Variants in STUM observed in about 807,000 individuals in gnomAD.
STUM encodes the protein protein stum homolog.
In STUM, 8 loss-of-function variants were observed where a neutral mutation model predicts 15.3. That is an observed-to-expected ratio of 0.52 (90% CI 0.31 to 0.94). The LOEUF (loss-of-function observed/expected upper bound fraction) is 0.94, where lower values mean the gene tolerates loss of function less well. STUM is among the 40% of genes least tolerant of loss of function. The pLI, the probability that STUM is intolerant of heterozygous loss-of-function variation, is 0.05. For missense variants in STUM, 142 were observed against 204.9 expected, an observed-to-expected ratio of 0.69 and a Z score of 1.87; for synonymous variants, 78 against 88.7, an observed-to-expected ratio of 0.88 and a Z score of 0.68.
chr1:226,592,023 G>T (rs144386964), intron 1 of STUM, among the ~76,000 whole-genome samples: 1 of 151,948 alleles, frequency 6.6e-6, no homozygotes, highest in African/African-American at 2.4e-5. Context: ...AAGCATGAAG[G>T]TTCTTTCCTT....
At chr1:226,595,662 G>A (rs1480724109) in intron 1 of STUM, among the ~76,000 whole-genome samples, 1 of 152,228 alleles carries the variant, frequency 6.6e-6, no homozygotes, top group Non-Finnish European at 1.5e-5. Context: ...AGTGGGTCCT[G>A]AATGCTATCA....
At chr1:226,595,120 A>C (rs1668158565) in intron 1 of STUM, among the ~76,000 whole-genome samples, 1 of 152,238 alleles carries the variant, frequency 6.6e-6, no homozygotes, top group South Asian at 2.1e-4. Flanking sequence ...GGAAGCTGAC[A>C]GTGCAGCCCC....
intron 1 of STUM, among the ~76,000 whole-genome samples, chr1:226,594,114 A>T (rs1668133932): frequency 6.6e-6 from 1 of 152,212 alleles, no homozygotes; most frequent in African/African-American, 2.4e-5. Flanking sequence ...AGGCAGGGTC[A>T]GTTTCAGAAA....
At chr1:226,570,389 A>G (rs1667688375) in intron 1 of STUM, among the ~76,000 whole-genome samples, 1 of 152,228 alleles carries the variant, frequency 6.6e-6, no homozygotes. Context: ...GTGTCAGAGC[A>G]ACCAATGATG....
At chr1:226,583,238 T>A (rs989714197) in intron 1 of STUM, among the ~76,000 whole-genome samples, 9 of 152,206 alleles carry the variant, frequency 5.9e-5, no homozygotes, top group Non-Finnish European at 1.5e-5. Flanking sequence ...AGCAGCAAAG[T>A]CACATTGCAA....
At chr1:226,557,418 T>C (rs1360790436) in intron 1 of STUM, among the ~76,000 whole-genome samples, 4 of 152,250 alleles carry the variant, frequency 2.6e-5, no homozygotes, top group Admixed American at 6.5e-5. Flanking sequence ...AACTTAACTA[T>C]TGTGAATAGT....
rs917348557 is a variant in STUM, at chr1:226,608,860, G to C, written c.*6820G>C. ...CTTTCCCCAACACCCTCAGGACCCA[G>C]CCCCAGCCCCGGCAGACCTTCCCTG... On this transcript the variant is annotated 3_prime_UTR_variant, in exon 4 of 4. Transcript: ENST00000366788. The surrounding 1 kb of genome is among the most constrained non-coding windows in gnomAD (Gnocchi z 4.0). The C allele has an allele frequency of 6.6e-6, 1 of 152,310 alleles. No individual in the cohort carries two copies. The highest frequency in any genetic ancestry group is 1.5e-5 in the Non-Finnish European group (1 of 68,136). 9.4% of individuals were successfully genotyped at this position (152,310 alleles called of 1,614,324 possible). A position where few individuals can be genotyped will look rare whatever the true frequency, so the allele number is the denominator to read the frequency against.
chr1:226,600,578 G>T lies in STUM; in HGVS notation c.383-88G>T. 1.3e-6 allele frequency: 2 copies of T among 1,508,946 alleles called. No homozygotes were observed. The highest frequency in any genetic ancestry group is 1.8e-6 in the Non-Finnish European group (2 of 1,093,646). 93.5% of individuals were successfully genotyped at this position (1,508,946 alleles called of 1,614,324 possible). On this transcript the variant is annotated intron_variant, in intron 2 of 3. Transcript: ENST00000366788. The surrounding 1 kb of genome is among the most constrained non-coding windows in gnomAD (Gnocchi z 5.2). ...ATCTGCTTTGTTTCCTGTGCCAAGC[G>T]TTCCCTGTGGCTCTGTTTTCAGGCT...
chr1:226,596,274 A>ACTACTC (rs1668177597), intron 1 of STUM, among the ~76,000 whole-genome samples: 1 of 151,630 alleles, frequency 6.6e-6, no homozygotes, highest in Non-Finnish European at 1.5e-5. Context: ...TACTACTACT[A>ACTACTC]CACTGTAGGC....
At position 226,608,330 on chromosome 1, in the gene STUM, G is replaced by GT. The variant is rs1281973917; in HGVS notation, c.*6291dup. On this transcript the variant is annotated 3_prime_UTR_variant, in exon 4 of 4. Coordinates refer to ENST00000366788, the MANE Select transcript of STUM (RefSeq NM_001003665.4). This position sits in a 1 kb window ranked among gnomAD's most constrained non-coding sequence, Gnocchi z 4.0. ...AGCAAGGGACAAGGTGATGGTGGCT[G>GT]TAATAGGCTCCTCGTGGGCACCGTC... is the stretch of plus-strand genomic sequence containing the variant. 3 of 152,348 alleles carry GT rather than the reference G, an allele frequency of 2.0e-5. No individual in the cohort carries two copies. In the East Asian group the frequency reaches 5.8e-4, roughly 29 times the overall value. The allele number at this position is 152,348 out of a possible 1,614,324, so 9.4% of individuals were successfully genotyped here. A position where few individuals can be genotyped will look rare whatever the true frequency, so the allele number is the denominator to read the frequency against.
At chr1:226,561,299 A>T (rs1445335199) in intron 1 of STUM, among the ~76,000 whole-genome samples, 1 of 152,188 alleles carries the variant, frequency 6.6e-6, no homozygotes, top group African/African-American at 2.4e-5. Flanking sequence ...ATGTTTGCAT[A>T]TTAACTACTG....
intron 1 of STUM, among the ~76,000 whole-genome samples, chr1:226,553,660 G>A (rs2102684649): frequency 6.6e-6 from 1 of 152,364 alleles, no homozygotes. Flanking sequence ...AATGTGGCCT[G>A]ATTTTGAGCA....
intron 1 of STUM, among the ~76,000 whole-genome samples, chr1:226,594,886 C>T (rs578215006): frequency 2.6e-4 from 40 of 152,204 alleles, no homozygotes; most frequent in Non-Finnish European, 5.0e-4. Context: ...AAATTCCTAA[C>T]CTCAGGCGAT....
At chr1:226,556,273 A>T (rs1667444378) in intron 1 of STUM, among the ~76,000 whole-genome samples, 1 of 152,136 alleles carries the variant, frequency 6.6e-6, no homozygotes, top group Admixed American at 6.5e-5. Flanking sequence ...GCAGCATTTC[A>T]CTCTTAACAT....
Position 226,593,801 on chromosome 1 carries a change from G to A in STUM, c.203-3001G>A, listed in dbSNP as rs530943362. Among the ~76,000 whole-genome samples the A allele has an allele frequency of 4.5e-4, 68 of 152,294 alleles. 1 individual carries two copies. The South Asian group carries it at 6.8e-3, about 15-fold the overall frequency. ...TTGAATCCGTGGTTTTCACACTTTA[G>A]TGAGCCTTATCATTCCTATTCCTTG... On this transcript the variant is annotated intron_variant, in intron 1 of 3. Coordinates refer to ENST00000366788, the MANE Select transcript of STUM (RefSeq NM_001003665.4).
intron 1 of STUM, among the ~76,000 whole-genome samples, chr1:226,595,780 G>A (rs35510310): frequency 0.014 from 2,204 of 152,322 alleles, 24 homozygotes; most frequent in Middle Eastern, 0.041. Flanking sequence ...GGGGCCACAA[G>A]CCAAGGAATG....
chr1:226,594,403 CGAACGTGAGGAAT>C (rs1668138316), intron 1 of STUM, among the ~76,000 whole-genome samples: 1 of 152,168 alleles, frequency 6.6e-6, no homozygotes, highest in Non-Finnish European at 1.5e-5. Context: ...CTGAGAGAAT[CGAACGTGAGGAAT>C]GTGACAATGG....
chr1:226,580,393 A>G (rs1482889804), intron 1 of STUM, among the ~76,000 whole-genome samples: 1 of 152,128 alleles, frequency 6.6e-6, no homozygotes, highest in Non-Finnish European at 1.5e-5. Flanking sequence ...TGAAGTCTTC[A>G]ATCAGGTGCC....
At chr1:226,572,122 A>G (rs765688318) in intron 1 of STUM, among the ~76,000 whole-genome samples, 3 of 152,220 alleles carry the variant, frequency 2.0e-5, no homozygotes, top group Admixed American at 6.5e-5. Flanking sequence ...AAAGGGCATG[A>G]TGATGATACC....
Sources: allele counts gnomAD v4.1 joint callset (sites outside exome capture counted in the v4.1 genomes callset), GRCh38; gene constraint gnomAD v4.1.1; non-coding constraint Gnocchi (gnomAD v3.1); transcripts MANE v1.5; gene names NCBI Gene and HGNC (gene_info 2026-07-23, HGNC 2026-07-21).